The following SNX29 variants were observed in gnomAD, a reference collection of about 807,000 sequenced individuals.
SNX29 encodes the protein sorting nexin 29.
SNX29 carries 78 observed loss-of-function variants against 102.1 expected under a neutral mutation model. The ratio of observed to expected loss-of-function variants is 0.76; its 90% confidence interval spans 0.64 to 0.92. The LOEUF (loss-of-function observed/expected upper bound fraction) is 0.92. Among genes scored for constraint, SNX29 ranks in the 40% least tolerant of loss-of-function variants. The pLI is 0.00. For missense variants in SNX29, 1,280 were observed against 1,061.7 expected, an observed-to-expected ratio of 1.21 and a Z score of -2.86; for synonymous variants, 580 against 414.5, an observed-to-expected ratio of 1.40 and a Z score of -4.85.
intron 16 of SNX29, among the ~76,000 whole-genome samples, chr16:12,364,779 C>T (rs77985083): frequency 0.023 from 3,552 of 152,234 alleles, 67 homozygotes; most frequent in East Asian, 0.1. Context: ...TTCTGATCAC[C>T]TCCACTTAAG....
At chr16:12,291,359 C>G (rs1026435883) in intron 15 of SNX29, among the ~76,000 whole-genome samples, 3 of 152,154 alleles carry the variant, frequency 2.0e-5, no homozygotes, top group Non-Finnish European at 2.9e-5. Context: ...TGTGCAGCCC[C>G]TTATACAACT....
At chr16:12,203,121 G>A (rs1345263101) in intron 14 of SNX29, among the ~76,000 whole-genome samples, 1 of 151,474 alleles carries the variant, frequency 6.6e-6, no homozygotes, top group Non-Finnish European at 1.5e-5. Flanking sequence ...GTGGACTGGT[G>A]GCATTGGAGG....
At chr16:12,205,772 G>C (rs964036639) in intron 14 of SNX29, among the ~76,000 whole-genome samples, 1 of 152,178 alleles carries the variant, frequency 6.6e-6, no homozygotes, top group African/African-American at 2.4e-5. Flanking sequence ...TGATTTTCTT[G>C]CTTGTTTCTT....
At chr16:12,220,756 A>C (rs2077454899) in intron 14 of SNX29, among the ~76,000 whole-genome samples, 1 of 152,142 alleles carries the variant, frequency 6.6e-6, no homozygotes, top group Admixed American at 6.5e-5. Flanking sequence ...TGATCTTTTA[A>C]GCTTCTTATA....
intron 20 of SNX29, among the ~76,000 whole-genome samples, chr16:12,566,063 G>T (rs1373774399): frequency 1.3e-5 from 2 of 152,204 alleles, no homozygotes; most frequent in Non-Finnish European, 2.9e-5. Context: ...GTTGCCCATT[G>T]TCTCTCTAGG....
intron 16 of SNX29, among the ~76,000 whole-genome samples, chr16:12,369,037 T>C (rs1427870803): frequency 6.6e-6 from 1 of 152,182 alleles, no homozygotes; most frequent in East Asian, 1.9e-4. Flanking sequence ...TGGTCTCTTA[T>C]AGAAACTGCC....
At chr16:12,525,829 A>G (rs1328394121) in intron 20 of SNX29, among the ~76,000 whole-genome samples, 2 of 152,048 alleles carry the variant, frequency 1.3e-5, no homozygotes, top group African/African-American at 4.8e-5. Flanking sequence ...CGCCTGCCAC[A>G]TGCCAGGCGT....
Position 12,570,596 on chromosome 16 carries a change from T to C in SNX29, c.*1967T>C, listed in dbSNP as rs1303863975. Reference sequence around the variant, plus strand: ...GCCTCCCTGGCCTGGGTAGCTACCCTGGAGGTCATCTCCCTGTTCTCTGTT... The same window carrying C: ...GCCTCCCTGGCCTGGGTAGCTACCCCGGAGGTCATCTCCCTGTTCTCTGTT... On this transcript the variant is annotated 3_prime_UTR_variant, in exon 21 of 21. Transcript: ENST00000566228. 3.9e-5 allele frequency: 9 copies of C among 232,032 alleles called. No homozygotes were observed. Among genetic ancestry groups the C allele is most frequent in the Non-Finnish European group, 5.1e-5 (6 of 117,386 alleles). 14.4% of individuals were successfully genotyped at this position (232,032 alleles called of 1,614,324 possible). A position where few individuals can be genotyped will look rare whatever the true frequency, so the allele number is the denominator to read the frequency against.
At chr16:12,299,625 C>A (rs1030064571) in intron 15 of SNX29, among the ~76,000 whole-genome samples, 1 of 152,082 alleles carries the variant, frequency 6.6e-6, no homozygotes, top group African/African-American at 2.4e-5. Flanking sequence ...ACTGGGTTGG[C>A]TATTGTTTCT....
At chr16:12,448,273 C>T (rs532415336) in intron 18 of SNX29, among the ~76,000 whole-genome samples, 143 of 152,262 alleles carry the variant, frequency 9.4e-4, no homozygotes, top group Non-Finnish European at 1.9e-3. Context: ...CTCCTTGCAA[C>T]CCCAGTGAAC....
intron 4 of SNX29, among the ~76,000 whole-genome samples, chr16:12,037,239 G>T (rs1000073407): frequency 6.6e-6 from 1 of 152,124 alleles, no homozygotes; most frequent in African/African-American, 2.4e-5. Flanking sequence ...GGAGCAAATG[G>T]GTGTGGCTGC....
At chr16:12,471,088 G>A (rs964483246) in intron 18 of SNX29, among the ~76,000 whole-genome samples, 3 of 152,104 alleles carry the variant, frequency 2.0e-5, no homozygotes, top group African/African-American at 4.8e-5. Context: ...AGGAGCACCC[G>A]AGATCTGACA....
chr16:12,191,101 G>C (rs1390542290), intron 13 of SNX29, among the ~76,000 whole-genome samples: 1 of 152,282 alleles, frequency 6.6e-6, no homozygotes, highest in African/African-American at 2.4e-5. Flanking sequence ...TTCCATCTCA[G>C]ATCCTCAGAC....
rs964217487 is a variant in SNX29 at position 12,524,607 on chromosome 16, T to C, written c.2179-95T>C. ...AGTTGCTCAATCAGTGTTGGTTGCCTGGATGGCGCTGATGGGTGATCGCCT... is the reference window on the plus strand; with the variant it reads ...AGTTGCTCAATCAGTGTTGGTTGCCCGGATGGCGCTGATGGGTGATCGCCT... On this transcript the variant is annotated intron_variant, in intron 19 of 20. Coordinates refer to ENST00000566228, the MANE Select transcript of SNX29 (RefSeq NM_032167.5). 3 of 1,433,608 alleles carry C rather than the reference T, an allele frequency of 2.1e-6. No individual in the cohort carries two copies. The Admixed American group carries it at 7.6e-5, about 36-fold the overall frequency. The allele number at this position is 1,433,608 out of a possible 1,614,324, so 88.8% of individuals were successfully genotyped here.
intron 20 of SNX29, among the ~76,000 whole-genome samples, chr16:12,541,439 C>G (rs955730388): frequency 2.0e-5 from 3 of 152,150 alleles, no homozygotes; most frequent in Non-Finnish European, 4.4e-5. Context: ...TCATCAATGT[C>G]TCAAAGGACC....
At chr16:12,247,543 G>A (rs1043944615) in intron 14 of SNX29, among the ~76,000 whole-genome samples, 3 of 152,128 alleles carry the variant, frequency 2.0e-5, no homozygotes, top group African/African-American at 7.2e-5. Flanking sequence ...GAAAGGAACT[G>A]GGCACCTGTG....
chr16:12,382,650 G>C (rs140844401), intron 16 of SNX29, among the ~76,000 whole-genome samples: 6 of 152,336 alleles, frequency 3.9e-5, no homozygotes, highest in South Asian at 2.1e-4. Flanking sequence ...AACAACATAC[G>C]TTTATTTGCT....
intron 19 of SNX29, among the ~76,000 whole-genome samples, chr16:12,494,434 G>C (rs1185688473): frequency 6.6e-6 from 1 of 152,188 alleles, no homozygotes; most frequent in Non-Finnish European, 1.5e-5. Flanking sequence ...TGCGTCAGTG[G>C]AGGCTGGATT....
At chr16:12,537,793 C>T (rs922612961) in intron 20 of SNX29, among the ~76,000 whole-genome samples, 3 of 151,992 alleles carry the variant, frequency 2.0e-5, no homozygotes, top group African/African-American at 7.2e-5. Context: ...AATAAAATAT[C>T]TCCTATATCA....
Sources: allele counts gnomAD v4.1 joint callset (sites outside exome capture counted in the v4.1 genomes callset), GRCh38; gene constraint gnomAD v4.1.1; transcripts MANE v1.5; gene names NCBI Gene and HGNC (gene_info 2026-07-23, HGNC 2026-07-21).